Variants in ALDH2 observed in about 807,000 individuals in gnomAD.
ALDH2 encodes the protein aldehyde dehydrogenase 2 family member.
Under a neutral mutation model 59.6 loss-of-function variants are expected in ALDH2, and 44 were observed. The ratio of observed to expected loss-of-function variants is 0.74; its 90% CI spans 0.58 to 0.95. ALDH2 has a LOEUF of 0.95. Ranked by LOEUF, ALDH2 falls within the 40% of genes least tolerant of loss-of-function variation. The pLI is 0.00. For missense variants in ALDH2, 570 were observed against 696.3 expected (o/e 0.82, Z 2.04); for synonymous variants, 291 against 284.0 (o/e 1.02, Z -0.25).
At position 111,781,960 on chromosome 12, in the gene ALDH2, A is replaced by G. The variant is rs771649244; in HGVS notation, c.157A>G (p.Thr53Ala). Reference sequence around the variant, plus strand: ...ATGGCACGATGCCGTCAGCAGGAAAACATTCCCCACCGTCAATCCGTCCAC... The same window carrying G: ...ATGGCACGATGCCGTCAGCAGGAAAGCATTCCCCACCGTCAATCCGTCCAC... ...NEWHDAVSRK[T>A]FPTVNPSTGE... is the part of the protein sequence containing the mutation. The change falls in exon 2 of 13, where the codon ACA becomes GCA. Residue 53 changes from threonine (T) to alanine (A), a missense_variant. By Grantham distance (58) the Thr-to-Ala change is moderately conservative. Coordinates refer to ENST00000261733, the MANE Select transcript of ALDH2 (RefSeq NM_000690.4). 1.2e-5 allele frequency: 20 copies of G among 1,613,908 alleles called. No individual in the cohort carries two copies. Among genetic ancestry groups the G allele is most frequent in the Non-Finnish European group, 1.6e-5 (19 of 1,179,962 alleles).
intron 1 of ALDH2, among the ~76,000 whole-genome samples, chr12:111,780,168 C>G (rs2068261950): frequency 6.6e-6 from 1 of 152,204 alleles, no homozygotes; most frequent in Non-Finnish European, 1.5e-5. Context: ...GCTGGGATTA[C>G]AGGCATGAAC....
chr12:111,791,406 C>T lies in ALDH2; in HGVS notation c.782C>T (p.Thr261Ile). Reference sequence around the variant, plus strand: ...GAGGATGTGGACAAAGTGGCATTCACAGGCTCCACTGAGGTAAGGTGACCC... The same window carrying T: ...GAGGATGTGGACAAAGTGGCATTCATAGGCTCCACTGAGGTAAGGTGACCC... ...SHEDVDKVAFTGSTEIGRVIQ... is the reference protein window; with the variant it reads ...SHEDVDKVAFIGSTEIGRVIQ... Residue 261 changes from threonine to isoleucine, a missense_variant, in exon 7 of 13, where the codon ACA becomes ATA. Coordinates refer to ENST00000261733, the MANE Select transcript of ALDH2 (RefSeq NM_000690.4). 1 of 1,613,208 alleles carries T rather than the reference C, an allele frequency of 6.2e-7. No individual in the cohort carries two copies. The highest frequency in any genetic ancestry group is 1.1e-5 in the South Asian group (1 of 90,846).
chr12:111,782,955 G>A (rs567550749), intron 2 of ALDH2, among the ~76,000 whole-genome samples: 3 of 152,306 alleles, frequency 2.0e-5, no homozygotes, highest in Non-Finnish European at 4.4e-5. Flanking sequence ...TTCATGAAAG[G>A]AGGGGAAGGT....
At chr12:111,767,404 T>TCC (rs899109765) in intron 1 of ALDH2, among the ~76,000 whole-genome samples, 1 of 152,156 alleles carries the variant, frequency 6.6e-6, no homozygotes, top group African/African-American at 2.4e-5. Context: ...CTTTCGGGTC[T>TCC]CCGCAGGGTC....
intron 9 of ALDH2, among the ~76,000 whole-genome samples, chr12:111,797,870 T>G (rs913513866): frequency 6.6e-6 from 1 of 152,204 alleles, no homozygotes; most frequent in African/African-American, 2.4e-5. Flanking sequence ...TAAAGATTGA[T>G]TTGATGTCCT....
At chr12:111,797,875 T>C (rs1037744586) in intron 9 of ALDH2, among the ~76,000 whole-genome samples, 1 of 152,224 alleles carries the variant, frequency 6.6e-6, no homozygotes, top group African/African-American at 2.4e-5. Context: ...ATTGATTTGA[T>C]GTCCTTTTCT....
At chr12:111,777,706 C>T (rs1006429053) in intron 1 of ALDH2, among the ~76,000 whole-genome samples, 3 of 152,106 alleles carry the variant, frequency 2.0e-5, no homozygotes, top group Non-Finnish European at 4.4e-5. Context: ...GGAGTAAACA[C>T]CCAGGACCTG....
intron 12 of ALDH2, 109 bp downstream of exon 12, chr12:111,804,082 A>G: frequency 1.4e-6 from 1 of 710,042 alleles, no homozygotes; most frequent in South Asian, 2.1e-5. Context: ...GGGGCCTGCC[A>G]GAGGTTCAGG....
rs1286567155 is a variant in ALDH2, at chr12:111,767,011, C to G, written c.29C>G (p.Pro10Arg). ...TTGCGCGCTGCCGCCCGCTTCGGGC[C>G]CCGCCTGGGCCGCCGCCTCTTGTCA... MLRAAARFG[P>R]RLGRRLLSAA... is the part of the protein sequence containing the mutation. Residue 10 changes from proline to arginine, a missense_variant, in exon 1 of 13, where the codon CCC (proline) becomes CGC (arginine). Transcript: ENST00000261733. The G allele has an allele frequency of 2.0e-6, 3 of 1,523,330 alleles. No individual in the cohort carries two copies. Among genetic ancestry groups the G allele is most frequent in the East Asian group, 2.6e-5 (1 of 39,024 alleles). 94.4% of individuals were successfully genotyped at this position (1,523,330 alleles called of 1,614,324 possible).
chr12:111,777,723 A>G (rs983182546), intron 1 of ALDH2, among the ~76,000 whole-genome samples: 5 of 152,288 alleles, frequency 3.3e-5, no homozygotes, highest in Admixed American at 2.0e-4. Flanking sequence ...CCTGCTGCCC[A>G]GGCACGGCAT....
chr12:111,789,687 C>T (rs2136017531), intron 4 of ALDH2, 136 bp from the exon 5 acceptor site: 1 of 736,648 alleles, frequency 1.4e-6, no homozygotes, highest in Non-Finnish European at 2.3e-6. Context: ...TCACTTGTCT[C>T]TCTCTGAATA....
chr12:111,800,245 G>T (rs1346299031), intron 11 of ALDH2, among the ~76,000 whole-genome samples, 182 bp downstream of exon 11: 1 of 152,150 alleles, frequency 6.6e-6, no homozygotes, highest in Non-Finnish European at 1.5e-5. Flanking sequence ...GCTTCTCTGT[G>T]GTGCAAAGGC....
chr12:111,804,003 G>A, intron 12 of ALDH2, 30 bp downstream of exon 12: 1 of 1,533,250 alleles, frequency 6.5e-7, no homozygotes, highest in Non-Finnish European at 8.9e-7. Flanking sequence ...GGGGCTCAGG[G>A]CCTGTTGGGG....
intron 4 of ALDH2, among the ~76,000 whole-genome samples, chr12:111,787,757 C>T (rs911033467): frequency 6.6e-5 from 10 of 152,032 alleles, no homozygotes; most frequent in African/African-American, 2.2e-4. Context: ...TTAGGCTGTG[C>T]GCGGTGGCTC....
chr12:111,769,653 T>A (rs2068184858), intron 1 of ALDH2, among the ~76,000 whole-genome samples: 1 of 151,916 alleles, frequency 6.6e-6, no homozygotes, highest in African/African-American at 2.4e-5. Context: ...GTACCTGGGT[T>A]ATCATTCTGA....
intron 7 of ALDH2, 33 bp from the exon 8 acceptor site, chr12:111,792,028 T>C (rs1283387872): frequency 7.0e-7 from 1 of 1,424,200 alleles, no homozygotes; most frequent in Non-Finnish European, 9.9e-7. Context: ...CTCCCGGCAC[T>C]GAGAGCTTGT....
At chr12:111,782,211 A>T (rs1429010408) in intron 2 of ALDH2, among the ~76,000 whole-genome samples, 189 bp downstream of exon 2, 1 of 152,192 alleles carries the variant, frequency 6.6e-6, no homozygotes. Context: ...TTAGTGTAGA[A>T]CTATAGACTT....
At chr12:111,789,017 CTTTTTTTTT>C (rs1224537015) in intron 4 of ALDH2, among the ~76,000 whole-genome samples, 1 of 125,164 alleles carries the variant, frequency 8.0e-6, no homozygotes, top group Non-Finnish European at 1.7e-5. Flanking sequence ...TCTTTCTTTT[CTTTTTTTTT>C]TTTTTTTTTG....
At chr12:111,805,339 G>A (rs1566196354) in intron 12 of ALDH2, among the ~76,000 whole-genome samples, 1 of 152,114 alleles carries the variant, frequency 6.6e-6, no homozygotes, top group Non-Finnish European at 1.5e-5. Context: ...AAAATGGGTT[G>A]AGCAGGCCTT....
Sources: gnomAD v4.1 joint callset for allele counts (sites outside exome capture counted in the v4.1 genomes callset) on GRCh38, gnomAD v4.1.1 for gene constraint, MANE v1.5 for transcripts, NCBI Gene and HGNC (gene_info 2026-07-23, HGNC 2026-07-21) for gene names.